CTNNA2: variants seen among roughly 807,000 people sequenced by gnomAD.
The protein encoded by CTNNA2 is catenin alpha 2, also known as catenin alpha-2.
In CTNNA2, 42 loss-of-function variants were observed where a neutral mutation model predicts 101.0. That is an observed-to-expected ratio of 0.42 (90% CI 0.32 to 0.54). The LOEUF is 0.54. Among genes scored for constraint, CTNNA2 ranks in the 20% least tolerant of loss-of-function variants. The probability of loss-of-function intolerance (pLI) is 0.14; values close to 1 mark genes in which losing one functional copy is unlikely to be tolerated. For synonymous variants in CTNNA2, 450 were observed against 456.4 expected (o/e 0.99, Z 0.18); for missense variants, 871 against 1,223.1 (o/e 0.71, Z 4.29).
chr2:80,638,749 A>T (rs1369634146), intron 18 of CTNNA2, among the ~76,000 whole-genome samples: 3 of 152,352 alleles, frequency 2.0e-5, no homozygotes, highest in South Asian at 2.1e-4. Flanking sequence ...AAAAAATGCA[A>T]ATGAAGACAG....
chr2:79,466,073 G>A (rs1036993065), intron 4 of CTNNA2, among the ~76,000 whole-genome samples: 31 of 152,320 alleles, frequency 2.0e-4, no homozygotes, highest in East Asian at 1.9e-3. Flanking sequence ...AGCATTAGCC[G>A]AAGCAGGGCG....
At chr2:80,304,954 A>T in intron 7 of CTNNA2, 4 of 279,174 alleles carry the variant, frequency 1.4e-5, no homozygotes, top group Non-Finnish European at 1.6e-5. Flanking sequence ...AGGTGGAGGT[A>T]GGGGTAGCAT....
At chr2:79,901,180 ATGACTT>A (rs1685047146) in intron 6 of CTNNA2, among the ~76,000 whole-genome samples, 1 of 151,686 alleles carries the variant, frequency 6.6e-6, no homozygotes, top group Non-Finnish European at 1.5e-5. Flanking sequence ...CTTTGAAAGA[ATGACTT>A]TGACTAATGT....
chr2:80,169,777 G>A (rs184896420), intron 7 of CTNNA2, among the ~76,000 whole-genome samples: 30 of 152,292 alleles, frequency 2.0e-4, no homozygotes, highest in Admixed American at 1.7e-3. Flanking sequence ...TGCATATATA[G>A]CATTGTAACA....
chr2:80,587,539 C>T (rs147189824), intron 14 of CTNNA2, among the ~76,000 whole-genome samples: 68 of 152,240 alleles, frequency 4.5e-4, no homozygotes, highest in Middle Eastern at 6.8e-3. Flanking sequence ...AAGAGATCAA[C>T]GATAGATCCA....
At chr2:79,643,634 A>G (rs1278437814) in intron 1 of CTNNA2, among the ~76,000 whole-genome samples, 2 of 152,128 alleles carry the variant, frequency 1.3e-5, no homozygotes, top group Non-Finnish European at 2.9e-5. Context: ...ATTACCACTT[A>G]GTTTTTGAAG....
chr2:80,067,615 A>C (rs1273185807), intron 7 of CTNNA2, among the ~76,000 whole-genome samples: 1 of 152,208 alleles, frequency 6.6e-6, no homozygotes, highest in South Asian at 2.1e-4. Flanking sequence ...TGCTATCTTT[A>C]ACTACACAAA....
chr2:79,209,972 G>T (rs1674149509), intron 2 of CTNNA2, among the ~76,000 whole-genome samples: 1 of 151,932 alleles, frequency 6.6e-6, no homozygotes, highest in Non-Finnish European at 1.5e-5. Flanking sequence ...GTGTGTTGGG[G>T]GGGCGGGGGT....
chr2:80,576,787 G>GAAAAAAA, intron 13 of CTNNA2, among the ~76,000 whole-genome samples: 1 of 123,136 alleles, frequency 8.1e-6, no homozygotes, highest in South Asian at 2.6e-4. Context: ...TGTCTCTACT[G>GAAAAAAA]AAAAAAAAAA....
rs4852485 is a variant in CTNNA2, at chr2:79,381,154, G to A, written c.-135+7141G>A. Among the ~76,000 whole-genome samples, 371 of 152,080 alleles carry A rather than the reference G, an allele frequency of 2.4e-3. 3 individuals carry two copies. The highest frequency in any genetic ancestry group is 8.4e-3 in the African/African-American group (348 of 41,492). Reference sequence around the variant, plus strand: ...GAGCTTTTCCATAGCACCACAGTGAGTAAGTAGAAGAACTCACAAGCGTAT... The same window carrying A: ...GAGCTTTTCCATAGCACCACAGTGAATAAGTAGAAGAACTCACAAGCGTAT... On this transcript the variant is annotated intron_variant, in intron 4 of 21. Transcript: ENST00000466387.
chr2:80,440,596 T>C (rs1340320184), intron 9 of CTNNA2, among the ~76,000 whole-genome samples: 2 of 152,008 alleles, frequency 1.3e-5, no homozygotes, highest in Non-Finnish European at 2.9e-5. Context: ...TTGTTATAGA[T>C]CATTGCAGAT....
chr2:80,267,504 T>C (rs1673091446), intron 7 of CTNNA2, among the ~76,000 whole-genome samples: 1 of 152,190 alleles, frequency 6.6e-6, no homozygotes, highest in Non-Finnish European at 1.5e-5. Context: ...ACTATAGTGC[T>C]GAGGCAAACA....
intron 7 of CTNNA2, among the ~76,000 whole-genome samples, chr2:80,197,670 A>G (rs1706923101): frequency 6.6e-6 from 1 of 152,014 alleles, no homozygotes; most frequent in African/African-American, 2.4e-5. Flanking sequence ...CTGTAGAGCC[A>G]TCACCAAGTG....
In CTNNA2 at chr2:80,080,712, ATCAAAT is replaced by A. The variant is rs557521521; in HGVS notation, c.1056+170919_1056+170924del. ...CCTGGATCTTTCCTATTTGTAGCAC[ATCAAAT>A]TCATATGCACAGTCCCCAGTGACCT... On this transcript the variant is annotated intron_variant, in intron 7 of 18. Transcript: ENST00000402739. Among the ~76,000 whole-genome samples the A allele has an allele frequency of 1.6e-4, 24 of 152,310 alleles. 1 individual carries two copies. The highest frequency in any genetic ancestry group is 4.1e-4 in the African/African-American group (17 of 41,562).
intron 4 of CTNNA2, among the ~76,000 whole-genome samples, chr2:79,494,276 T>C (rs1671233082): frequency 1.3e-5 from 1 of 76,862 alleles, no homozygotes; most frequent in Non-Finnish European, 2.7e-5. Context: ...CCAGCTGCCC[T>C]ATTTTTTTTT....
intron 2 of CTNNA2, among the ~76,000 whole-genome samples, chr2:79,660,251 A>G (rs1481812046): frequency 7.4e-6 from 1 of 135,592 alleles, no homozygotes; most frequent in South Asian, 2.2e-4. Context: ...ATATGTGTAT[A>G]TACATATGTA....
intron 4 of CTNNA2, among the ~76,000 whole-genome samples, chr2:79,398,568 T>C (rs1268991959): frequency 6.6e-6 from 1 of 152,082 alleles, no homozygotes; most frequent in Admixed American, 6.6e-5. Flanking sequence ...GGAGACTGGA[T>C]GGTAGCTGTA....
chr2:79,521,160 AT>A lies in CTNNA2; in HGVS notation c.-6+7954del, dbSNP rs1558695258. On this transcript the variant is annotated intron_variant, in intron 1 of 18. Transcript: ENST00000402739. ...TATATATATATATATATATATATAT[AT>A]ATATATAAATTTTAAGGTGCGCTAT... Among the ~76,000 whole-genome samples, 38 of 86,468 alleles carry A rather than the reference AT, an allele frequency of 4.4e-4. 1 individual carries two copies. Among genetic ancestry groups the A allele is most frequent in the African/African-American group, 1.8e-3 (37 of 20,478 alleles). 56.7% of individuals were successfully genotyped at this position (86,468 alleles called of 152,430 possible). A position where few individuals can be genotyped will look rare whatever the true frequency, so the allele number is the denominator to read the frequency against.
At chr2:79,865,450 A>G (rs745841425) in intron 4 of CTNNA2, among the ~76,000 whole-genome samples, 24 of 152,208 alleles carry the variant, frequency 1.6e-4, no homozygotes, top group Middle Eastern at 3.2e-3. Flanking sequence ...TAGTTTTGTC[A>G]GTGTCACTTA....
Sources: gnomAD v4.1 joint callset for allele counts (sites outside exome capture counted in the v4.1 genomes callset) on GRCh38, gnomAD v4.1.1 for gene constraint, MANE v1.5 for transcripts, NCBI Gene and HGNC (gene_info 2026-07-23, HGNC 2026-07-21) for gene names.